CRYZL1: variants seen among roughly 807,000 people sequenced by gnomAD.
The protein encoded by CRYZL1 is crystallin zeta like 1, also known as ferry endosomal RAB5 effector complex subunit 4.
Under a neutral mutation model 50.6 loss-of-function variants are expected in CRYZL1, and 34 were observed. The ratio of observed to expected loss-of-function variants is 0.67; its 90% CI spans 0.51 to 0.89. The LOEUF is 0.89. Among genes scored for constraint, CRYZL1 ranks in the 40% least tolerant of loss-of-function variants. The probability of loss-of-function intolerance (pLI) is 0.00; values close to 1 mark genes in which losing one functional copy is unlikely to be tolerated. For synonymous variants in CRYZL1, 125 were observed against 134.3 expected, an observed-to-expected ratio of 0.93 and a Z score of 0.48; for missense variants, 354 against 402.3, an observed-to-expected ratio of 0.88 and a Z score of 1.03.
chr21:33,593,330 T>A (rs1190400412), intron 11 of CRYZL1, among the ~76,000 whole-genome samples: 1 of 151,750 alleles, frequency 6.6e-6, no homozygotes, highest in Non-Finnish European at 1.5e-5. Flanking sequence ...ATGGTCTCAA[T>A]CTCCTGACCT....
chr21:33,614,481 T>G (rs1230147070), intron 5 of CRYZL1, among the ~76,000 whole-genome samples: 1 of 152,162 alleles, frequency 6.6e-6, no homozygotes, highest in African/African-American at 2.4e-5. Context: ...AAGAGCAAGA[T>G]TCTGTCTCAA....
intron 11 of CRYZL1, chr21:33,595,257 G>A: frequency 2.0e-6 from 2 of 979,908 alleles, no homozygotes; most frequent in Non-Finnish European, 2.6e-6. Flanking sequence ...AGATTTCCTA[G>A]CATTGATATT....
At chr21:33,616,076 C>T (rs899313523) in intron 5 of CRYZL1, among the ~76,000 whole-genome samples, 3 of 148,186 alleles carry the variant, frequency 2.0e-5, no homozygotes, top group South Asian at 2.1e-4. Context: ...TGCTATCCCT[C>T]CCCCCCCCAA....
chr21:33,637,760 C>CATATAT (rs10536195), intron 1 of CRYZL1, among the ~76,000 whole-genome samples: 4,438 of 131,496 alleles, frequency 0.034, 97 homozygotes, highest in Admixed American at 0.069. Flanking sequence ...AAGAGAAAAA[C>CATATAT]ATATATATAT....
intron 2 of CRYZL1, 107 bp downstream of exon 2, chr21:33,631,379 G>A (rs2145959183): frequency 1.4e-6 from 1 of 707,654 alleles, no homozygotes; most frequent in Non-Finnish European, 2.2e-6. Flanking sequence ...AGTTTCATTT[G>A]AGTAATTTTG....
chr21:33,593,653 G>A (rs770015406), intron 11 of CRYZL1, among the ~76,000 whole-genome samples: 7 of 152,074 alleles, frequency 4.6e-5, no homozygotes, highest in Non-Finnish European at 8.8e-5. Flanking sequence ...TATACTATAA[G>A]CAGAGCAGTC....
At chr21:33,590,444 TTTCTCTTGTTGCCCAG>T (rs1433307414) in intron 12 of CRYZL1, among the ~76,000 whole-genome samples, 8 of 14,080 alleles carry the variant, frequency 5.7e-4, no homozygotes, top group East Asian at 2.5e-3. Flanking sequence ...TGAGACGGAG[TTTCTCTTGTTGCCCAG>T]GCTGGAGTGC....
intron 1 of CRYZL1, among the ~76,000 whole-genome samples, chr21:33,635,313 A>G (rs2145963924): frequency 6.6e-6 from 1 of 151,840 alleles, no homozygotes; most frequent in Admixed American, 6.6e-5. Context: ...TTGACTTAAA[A>G]TACATTTGCA....
chr21:33,621,895 G>A, intron 4 of CRYZL1, 101 bp downstream of exon 4: 1 of 675,692 alleles, frequency 1.5e-6, no homozygotes, highest in Non-Finnish European at 2.5e-6. Flanking sequence ...ATTTAAATTT[G>A]AAAGGCTGTA....
chr21:33,628,534 G>C (rs1003878184), intron 2 of CRYZL1, among the ~76,000 whole-genome samples: 1 of 150,752 alleles, frequency 6.6e-6, no homozygotes, highest in Non-Finnish European at 1.5e-5. Flanking sequence ...CACCTCCTTG[G>C]TTAAATTTAT....
At chr21:33,592,579 T>A (rs2086654366) in intron 11 of CRYZL1, among the ~76,000 whole-genome samples, 1 of 152,216 alleles carries the variant, frequency 6.6e-6, no homozygotes, top group Admixed American at 6.5e-5. Flanking sequence ...TAATTGAAAT[T>A]ATAATACTAA....
intron 11 of CRYZL1, among the ~76,000 whole-genome samples, chr21:33,592,142 G>T: frequency 1.4e-5 from 2 of 146,618 alleles, no homozygotes; most frequent in African/African-American, 2.5e-5. Context: ...CTTTTTCAGA[G>T]CTTTTTTTTT....
At position 33,637,406 on chromosome 21, in the gene CRYZL1, C is replaced by T. The variant is rs575480701; in HGVS notation, c.-7+4275G>A. Reference sequence around the variant, plus strand: ...CTTGCAGTGAGCCGAGATCGCGCCACTGCACTCCAGCCTGGGCGACAGAGC... The same window carrying T: ...CTTGCAGTGAGCCGAGATCGCGCCATTGCACTCCAGCCTGGGCGACAGAGC... On this transcript the variant is annotated intron_variant, in intron 1 of 12. Coordinates refer to ENST00000381554, the MANE Select transcript of CRYZL1 (RefSeq NM_145858.3). 6.7e-5 allele frequency among the ~76,000 whole-genome samples: 10 copies of T among 149,644 alleles called. No homozygotes were observed. In the East Asian group the frequency reaches 2.0e-3, roughly 30 times the overall value.
At chr21:33,595,565 A>G (rs778589356) in intron 11 of CRYZL1, 166 bp downstream of exon 11, 56 of 1,319,356 alleles carry the variant, frequency 4.2e-5, no homozygotes, top group Middle Eastern at 1.8e-4. Context: ...TTACATCTCA[A>G]AAGGCTGTTT....
intron 2 of CRYZL1, among the ~76,000 whole-genome samples, chr21:33,629,508 C>A (rs1454025720): frequency 6.6e-6 from 1 of 152,222 alleles, no homozygotes; most frequent in Admixed American, 6.5e-5. Flanking sequence ...GGCAATCCAC[C>A]CGCCTTGGCC....
intron 6 of CRYZL1, among the ~76,000 whole-genome samples, chr21:33,605,789 G>A (rs1389827469): frequency 1.3e-5 from 2 of 151,898 alleles, no homozygotes; most frequent in African/African-American, 4.8e-5. Flanking sequence ...CTCCCAAAGT[G>A]CCGGGATTAC....
At chr21:33,589,962 G>C (rs1405230589) in intron 12 of CRYZL1, 41 bp from the exon 13 acceptor site, 1 of 1,197,792 alleles carries the variant, frequency 8.3e-7, no homozygotes, top group Admixed American at 2.0e-5. Flanking sequence ...TCTAGTTAAA[G>C]ATAAGTAGAA....
At chr21:33,605,800 A>C (rs2086807178) in intron 6 of CRYZL1, among the ~76,000 whole-genome samples, 2 of 152,048 alleles carry the variant, frequency 1.3e-5, no homozygotes. Flanking sequence ...CCGGGATTAC[A>C]GGTGTAAGCC....
rs755348633 is a variant in CRYZL1 at position 33,591,169 on chromosome 21, CA to C, written c.942del (p.Val315PhefsTer46). Reference protein sequence around the residue: ...LKDVMEKLSTGVFRPQLDEPI... With the variant: ...LKDVMEKLSTXVFRPQLDEPI... Reference sequence around the variant, plus strand: ...TTGGTTACTTTAGCGTACCTGAAAACACCAGTTGATAACTTCTCCATCACAT... The same window carrying C: ...TTGGTTACTTTAGCGTACCTGAAAACCCAGTTGATAACTTCTCCATCACAT... On this transcript the variant is annotated frameshift_variant, in exon 12 of 13. Transcript: ENST00000381554. LOFTEE classifies it high-confidence loss of function. 1.2e-6 allele frequency: 2 copies of C among 1,608,752 alleles called. No homozygotes were observed. Among genetic ancestry groups the C allele is most frequent in the South Asian group, 2.2e-5 (2 of 90,978 alleles).
Sources: allele counts gnomAD v4.1 joint callset (sites outside exome capture counted in the v4.1 genomes callset), GRCh38; gene constraint gnomAD v4.1.1; transcripts MANE v1.5; gene names NCBI Gene and HGNC (gene_info 2026-07-23, HGNC 2026-07-21).